GAB2: variants seen among roughly 807,000 people sequenced by gnomAD.
The protein encoded by GAB2 is GRB2 associated binding protein 2.
GAB2 carries 26 observed loss-of-function variants against 65.5 expected under a neutral mutation model. That is an observed-to-expected ratio of 0.40 (90% CI 0.29 to 0.55). GAB2 has a LOEUF of 0.55. GAB2 is among the 20% of genes least tolerant of loss of function. The pLI is 0.53. For synonymous variants in GAB2, 321 were observed against 329.6 expected, an observed-to-expected ratio of 0.97 and a Z score of 0.28; for missense variants, 884 against 875.8, an observed-to-expected ratio of 1.01 and a Z score of -0.12.
At chr11:78,364,820 G>C (rs914145063) in intron 1 of GAB2, among the ~76,000 whole-genome samples, 5 of 152,140 alleles carry the variant, frequency 3.3e-5, no homozygotes, top group African/African-American at 1.2e-4. Context: ...ACTGATATCA[G>C]AAGATTCAGT....
At chr11:78,225,443 C>T (rs949906749) in intron 4 of GAB2, among the ~76,000 whole-genome samples, 7 of 152,228 alleles carry the variant, frequency 4.6e-5, no homozygotes, top group South Asian at 2.1e-4. Flanking sequence ...ACTCTACCCT[C>T]ATCTATGCAC....
At chr11:78,365,335 C>T (rs1187934593) in intron 1 of GAB2, among the ~76,000 whole-genome samples, 2 of 152,198 alleles carry the variant, frequency 1.3e-5, no homozygotes, top group African/African-American at 4.8e-5. Context: ...GTCCCTTCTC[C>T]TTCTGCAGTG....
chr11:78,278,434 G>A (rs1590992559), intron 2 of GAB2, among the ~76,000 whole-genome samples: 3 of 151,898 alleles, frequency 2.0e-5, no homozygotes, highest in East Asian at 3.9e-4. Context: ...CCAGGCTGGA[G>A]TGCAGTGGTG....
rs940849801 is a variant in GAB2, at chr11:78,228,499, C to T, written c.621-1448G>A. On this transcript the variant is annotated intron_variant, in intron 3 of 9. Coordinates refer to ENST00000361507, the MANE Select transcript of GAB2 (RefSeq NM_080491.3). ...TACATAATAGCCCTCTGAGGCCAAT[C>T]CCTGGACCTTTTGCCTTATAGAAGC... 2.6e-5 allele frequency among the ~76,000 whole-genome samples: 4 copies of T among 152,284 alleles called. No individual in the cohort carries two copies. The East Asian group carries it at 7.7e-4, about 29-fold the overall frequency.
intron 1 of GAB2, among the ~76,000 whole-genome samples, chr11:78,361,743 T>C (rs1200447013): frequency 6.6e-6 from 1 of 152,174 alleles, no homozygotes; most frequent in Non-Finnish European, 1.5e-5. Flanking sequence ...GGCAAGACTG[T>C]GGAAAAAGAG....
chr11:78,252,517 G>GCAAAAAGCA (rs1865483416), intron 2 of GAB2, among the ~76,000 whole-genome samples: 1 of 152,150 alleles, frequency 6.6e-6, no homozygotes, highest in East Asian at 1.9e-4. Context: ...AGCCTCTGGT[G>GCAAAAAGCA]AGATTCTGTA....
intron 1 of GAB2, among the ~76,000 whole-genome samples, chr11:78,286,052 CCCT>C (rs558053174): frequency 3.3e-4 from 51 of 152,328 alleles, no homozygotes; most frequent in Non-Finnish European, 6.9e-4. Flanking sequence ...ATCGCTCTTT[CCCT>C]CCTTTGTTTC....
At chr11:78,331,222 A>T (rs1425473888) in intron 1 of GAB2, among the ~76,000 whole-genome samples, 3 of 151,140 alleles carry the variant, frequency 2.0e-5, no homozygotes, top group South Asian at 2.1e-4. Context: ...CCAGCACTCC[A>T]ACTCTTTTGA....
At chr11:78,294,803 C>T (rs1565147144) in intron 1 of GAB2, among the ~76,000 whole-genome samples, 1 of 152,104 alleles carries the variant, frequency 6.6e-6, no homozygotes, top group Non-Finnish European at 1.5e-5. Context: ...AAAACCTAGG[C>T]AATACCATTC....
intron 1 of GAB2, among the ~76,000 whole-genome samples, chr11:78,405,709 C>G (rs886406308): frequency 6.6e-6 from 1 of 152,044 alleles, no homozygotes; most frequent in African/African-American, 2.4e-5. Flanking sequence ...GAAGAGTAGG[C>G]GGCAGATTTG....
intron 1 of GAB2, among the ~76,000 whole-genome samples, chr11:78,355,609 C>T (rs934817122): frequency 1.4e-5 from 2 of 144,358 alleles, no homozygotes; most frequent in Non-Finnish European, 3.0e-5. Context: ...CCCAGGAGTC[C>T]GAGGCTATAG....
intron 2 of GAB2, among the ~76,000 whole-genome samples, chr11:78,270,333 T>TAA (rs11358173): frequency 2.9e-5 from 4 of 140,182 alleles, no homozygotes; most frequent in South Asian, 2.3e-4. Flanking sequence ...GACTCCGTCT[T>TAA]AAAAAAAAAA....
At chr11:78,246,011 C>G (rs1317446073) in intron 3 of GAB2, among the ~76,000 whole-genome samples, 4 of 149,752 alleles carry the variant, frequency 2.7e-5, no homozygotes. Flanking sequence ...AATGGCGCAA[C>G]CTCCGCCTCC....
At chr11:78,223,293 T>C in intron 6 of GAB2, 119 bp downstream of exon 6, 2 of 768,944 alleles carry the variant, frequency 2.6e-6, no homozygotes, top group East Asian at 5.8e-5. Flanking sequence ...GAGACTCAGA[T>C]TTTACATGAT....
At chr11:78,255,893 A>G (rs1167611176) in intron 2 of GAB2, among the ~76,000 whole-genome samples, 1 of 152,228 alleles carries the variant, frequency 6.6e-6, no homozygotes, top group Non-Finnish European at 1.5e-5. Flanking sequence ...CATGTAACAG[A>G]AAAAAATGTA....
rs185663957 is a variant in GAB2 at position 78,295,671 on chromosome 11, T to C, written c.76-14770A>G. On this transcript the variant is annotated intron_variant, in intron 1 of 9. Coordinates refer to ENST00000361507, the MANE Select transcript of GAB2 (RefSeq NM_080491.3). ...CATGTAGGTGTTCTCAGCACCCACATGAACAGTGGATGCTTGACGGAGAGG... is the reference window on the plus strand; with the variant it reads ...CATGTAGGTGTTCTCAGCACCCACACGAACAGTGGATGCTTGACGGAGAGG... Among the ~76,000 whole-genome samples the C allele has an allele frequency of 2.0e-5, 3 of 152,276 alleles. No individual in the cohort carries two copies. The East Asian group carries it at 5.8e-4, about 29-fold the overall frequency.
At chr11:78,263,607 T>C (rs1164747075) in intron 2 of GAB2, among the ~76,000 whole-genome samples, 1 of 144,760 alleles carries the variant, frequency 6.9e-6, no homozygotes, top group Non-Finnish European at 1.5e-5. Flanking sequence ...CACTCCAACT[T>C]GGGCGACAGA....
At chr11:78,251,951 G>A (rs115369549) in intron 2 of GAB2, among the ~76,000 whole-genome samples, 2,529 of 152,108 alleles carry the variant, frequency 0.017, 75 homozygotes, top group African/African-American at 0.058. Context: ...CATTCATTCA[G>A]CACTCAAAAA....
chr11:78,341,903 G>C lies in GAB2; in HGVS notation c.76-61002C>G, dbSNP rs981128937. On this transcript the variant is annotated intron_variant, in intron 1 of 9. Coordinates refer to ENST00000361507, the MANE Select transcript of GAB2 (RefSeq NM_080491.3). ...TTCTGATCCAAGTTATCATCTGAAT[G>C]GCTAAGTGCAATGTTTAAAAATGCC... The C allele has an allele frequency of 1.4e-5, 14 of 984,918 alleles. No individual in the cohort carries two copies. In the African/African-American group the frequency reaches 1.9e-4, roughly 14 times the overall value. 61.0% of individuals were successfully genotyped at this position (984,918 alleles called of 1,614,324 possible). A position where few individuals can be genotyped will look rare whatever the true frequency, so the allele number is the denominator to read the frequency against.
Sources: allele counts gnomAD v4.1 joint callset (sites outside exome capture counted in the v4.1 genomes callset), GRCh38; gene constraint gnomAD v4.1.1; transcripts MANE v1.5; gene names NCBI Gene and HGNC (gene_info 2026-07-23, HGNC 2026-07-21).